The following TMEM223 variants were observed in gnomAD, a reference collection of about 807,000 sequenced individuals.
TMEM223 encodes transmembrane protein 223.
In TMEM223, 14 loss-of-function variants were observed where a neutral mutation model predicts 14.1. The ratio of observed to expected loss-of-function variants is 0.99; its 90% CI spans 0.66 to 1.55. The LOEUF is 1.55. TMEM223 is among the 40% of genes most tolerant of loss of function. The pLI is 0.00. For missense variants in TMEM223, 346 were observed against 269.9 expected, an observed-to-expected ratio of 1.28 and a Z score of -1.97; for synonymous variants, 145 against 120.5, an observed-to-expected ratio of 1.20 and a Z score of -1.33.
intron 1 of TMEM223, among the ~76,000 whole-genome samples, chr11:62,780,569 CAAAG>C (rs953853323): frequency 6.6e-6 from 1 of 151,548 alleles, no homozygotes; most frequent in Non-Finnish European, 1.5e-5. Context: ...AACTCCGTCT[CAAAG>C]AAAAACGAAA....
downstream of TMEM223, chr11:62,787,108 C>A: frequency 6.5e-7 from 1 of 1,549,456 alleles, no homozygotes; most frequent in South Asian, 1.2e-5. Flanking sequence ...CCCGCACTTT[C>A]GTTTCATCAT....
downstream of TMEM223, chr11:62,786,685 C>G: frequency 6.2e-7 from 1 of 1,612,256 alleles, no homozygotes; most frequent in Non-Finnish European, 8.5e-7. Context: ...GTCCGGCCTC[C>G]CGCTGCCGCC....
At chr11:62,776,920 C>T (rs182666317) in intron 1 of TMEM223, among the ~76,000 whole-genome samples, 34 of 151,534 alleles carry the variant, frequency 2.2e-4, no homozygotes, top group African/African-American at 7.3e-4. Flanking sequence ...AGGTGGAGGC[C>T]GGCGGATCAC....
chr11:62,778,423 T>C, intron 1 of TMEM223: 1 of 1,488,702 alleles, frequency 6.7e-7, no homozygotes, highest in South Asian at 1.1e-5. Flanking sequence ...CGAGTCTGCG[T>C]CTAACATGTG....
downstream of TMEM223, among the ~76,000 whole-genome samples, chr11:62,788,604 T>TGAGGCAGGAGAATGGCATGAACCCAG (rs2084319024): frequency 6.8e-6 from 1 of 147,046 alleles, no homozygotes; most frequent in Non-Finnish European, 1.5e-5. Flanking sequence ...CTCAGGAGGC[T>TGAGGCAGGAGAATGGCATGAACCCAG]GAGGCAGGAG....
Position 62,791,890 on chromosome 11 carries a change from CA to C in TMEM223, c.104del (p.Leu35ArgfsTer99). On this transcript the variant is annotated frameshift_variant, in exon 1 of 2. Transcript: ENST00000307366. LOFTEE classifies it high-confidence loss of function. Reference protein sequence around the residue: ...LQGTTLQRDVLLFEHDRGRFF... With the variant: ...LQGTTLQRDVXLFEHDRGRFF... The stretch of plus-strand genomic sequence containing the variant: ...AGCGGCCCCGATCATGCTCAAAGAG[CA>C]GCACATCCCGTTGCAGCGTCGTGCC... 6.3e-7 allele frequency: 1 copy of C among 1,599,524 alleles called. No homozygotes were observed. Among genetic ancestry groups the C allele is most frequent in the South Asian group, 1.1e-5 (1 of 88,466 alleles).
At chr11:62,782,326 A>G (rs2084236385) in intron 1 of TMEM223, 2 of 1,613,342 alleles carry the variant, frequency 1.2e-6, no homozygotes, top group East Asian at 4.5e-5. Context: ...GCTCAGCCAC[A>G]TCTTCTGGTA....
chr11:62,776,250 A>C, intron 1 of TMEM223: 1 of 870,196 alleles, frequency 1.1e-6, no homozygotes, highest in South Asian at 1.6e-5. Context: ...AGGAGCAGAG[A>C]CGGAATCTAG....
At chr11:62,775,855 G>C (rs370316644) in intron 1 of TMEM223, 2 of 1,613,676 alleles carry the variant, frequency 1.2e-6, no homozygotes, top group Non-Finnish European at 1.7e-6. Context: ...CGGAGAGCAC[G>C]GGCCTGGAGC....
At chr11:62,772,118 G>A (rs1267913893) in exon 3 of TMEM223, 8 of 456,086 alleles carry the variant, frequency 1.8e-5, no homozygotes, top group African/African-American at 1.2e-4. Flanking sequence ...AGCCTCTGAG[G>A]TTTGATTTCC....
chr11:62,782,097 C>T, intron 1 of TMEM223: 1 of 1,595,634 alleles, frequency 6.3e-7, no homozygotes, highest in South Asian at 1.1e-5. Flanking sequence ...TGTAAGCTAC[C>T]CTCTTCTCCC....
chr11:62,788,969 C>CTGTA (rs2084324892), downstream of TMEM223: 1 of 1,542,662 alleles, frequency 6.5e-7, no homozygotes, highest in Admixed American at 1.9e-5. Context: ...TACCAAGAGA[C>CTGTA]TGTATCTAGA....
In TMEM223 at chr11:62,790,752, C is replaced by T; in HGVS notation, c.480G>A (p.Arg160=). The T allele has an allele frequency of 6.2e-7, 1 of 1,610,484 alleles. No individual in the cohort carries two copies. Among genetic ancestry groups the T allele is most frequent in the South Asian group, 1.1e-5 (1 of 90,424 alleles). ...GAGGTAGCATGGCAGGGACTTCACC[C>T]CGGTGGGCCATGCAAGATACCTGCT... ...PLKQVSCMAH[R]GEVPAMLPLK... Residue 160 remains arginine (R), a synonymous_variant, in exon 2 of 2, where the codon CGG becomes CGA. Coordinates refer to ENST00000307366, the MANE Select transcript of TMEM223 (RefSeq NM_001080501.3).
chr11:62,778,913 T>C, intron 1 of TMEM223: 1 of 1,614,130 alleles, frequency 6.2e-7, no homozygotes, highest in Non-Finnish European at 8.5e-7. Flanking sequence ...TCTCAAGTAC[T>C]ATCACCAGGT....
downstream of TMEM223, chr11:62,786,861 C>T: frequency 6.3e-7 from 1 of 1,591,288 alleles, no homozygotes. Context: ...CGGCGGCAGC[C>T]CCGGACTCGG....
At chr11:62,789,101 G>T, downstream of TMEM223, 3 of 1,614,188 alleles carry the variant, frequency 1.9e-6, no homozygotes, top group Non-Finnish European at 2.5e-6. Context: ...CCGTCCCTCA[G>T]CACCATCCCT....
In TMEM223 at chr11:62,790,142, T is replaced by C; in HGVS notation, c.*481A>G. The C allele has an allele frequency of 7.2e-7, 1 of 1,381,986 alleles. No homozygotes were observed. Among genetic ancestry groups the C allele is most frequent in the Non-Finnish European group, 9.5e-7 (1 of 1,048,578 alleles). The allele number at this position is 1,381,986 out of a possible 1,614,324, so 85.6% of individuals were successfully genotyped here. ...CCCTGTTTATGTTGGGAGTCTTAGTTTTCCTTTCGTTGGGGGGTGGGGGGG... is the reference window on the plus strand; with the variant it reads ...CCCTGTTTATGTTGGGAGTCTTAGTCTTCCTTTCGTTGGGGGGTGGGGGGG... On this transcript the variant is annotated 3_prime_UTR_variant, in exon 2 of 2. Coordinates refer to ENST00000307366, the MANE Select transcript of TMEM223 (RefSeq NM_001080501.3).
downstream of TMEM223, chr11:62,787,353 AC>A: frequency 6.5e-7 from 1 of 1,535,362 alleles, no homozygotes; most frequent in South Asian, 1.2e-5. Flanking sequence ...TGACGTCTCC[AC>A]CTTCGTGGGT....
chr11:62,778,201 G>A, intron 1 of TMEM223: 1 of 1,613,630 alleles, frequency 6.2e-7, no homozygotes, highest in Non-Finnish European at 8.5e-7. Flanking sequence ...GGGCTGGCTG[G>A]TGGAAGAGGC....
Sources: allele counts gnomAD v4.1 joint callset (sites outside exome capture counted in the v4.1 genomes callset), GRCh38; gene constraint gnomAD v4.1.1; transcripts MANE v1.5; gene names NCBI Gene and HGNC (gene_info 2026-07-23, HGNC 2026-07-21).